The following C3orf22 variants were observed in gnomAD, a reference collection of about 807,000 sequenced individuals.
C3orf22 encodes the protein chromosome 3 open reading frame 22, also known as uncharacterized protein C3orf22.
Under a neutral mutation model 10.8 loss-of-function variants are expected in C3orf22, and 7 were observed. The ratio of observed to expected loss-of-function variants is 0.65; its 90% CI spans 0.37 to 1.22. The LOEUF (loss-of-function observed/expected upper bound fraction) is 1.22. Among genes scored for constraint, C3orf22 ranks in the 50% most tolerant of loss-of-function variants. The pLI is 0.02. For missense variants in C3orf22, 173 were observed against 177.0 expected, an observed-to-expected ratio of 0.98 and a Z score of 0.13; for synonymous variants, 79 against 78.9, an observed-to-expected ratio of 1.00 and a Z score of 0.00.
At chr3:126,538,383 T>G (rs562172324) in intron 4 of C3orf22, among the ~76,000 whole-genome samples, 2 of 152,350 alleles carry the variant, frequency 1.3e-5, no homozygotes, top group South Asian at 4.1e-4. Flanking sequence ...CCCCTGACTT[T>G]TCACCCTAAG....
At chr3:126,537,911 C>T (rs1936832135) in intron 4 of C3orf22, among the ~76,000 whole-genome samples, 1 of 152,182 alleles carries the variant, frequency 6.6e-6, no homozygotes, top group Admixed American at 6.5e-5. Flanking sequence ...GGTCACAGAG[C>T]TTCTATGGAC....
intron 4 of C3orf22, chr3:126,529,509 T>A: frequency 1.4e-6 from 1 of 703,716 alleles, no homozygotes; most frequent in Non-Finnish European, 2.0e-6. Context: ...AAGGAAGCTG[T>A]GAGGCCTCGG....
chr3:126,536,001 C>G (rs892266368), intron 4 of C3orf22, among the ~76,000 whole-genome samples: 2 of 152,176 alleles, frequency 1.3e-5, no homozygotes, highest in Non-Finnish European at 2.9e-5. Flanking sequence ...TATCACCTTC[C>G]CACTTGTCCC....
At chr3:126,536,923 A>ACACACACACC (rs557001264) in intron 4 of C3orf22, among the ~76,000 whole-genome samples, 29 of 141,458 alleles carry the variant, frequency 2.1e-4, no homozygotes, top group Non-Finnish European at 4.0e-4. Context: ...ACACACACAC[A>ACACACACACC]CCCCACACAC....
At chr3:126,549,449 G>C (rs1278205934), downstream of C3orf22, 1 of 443,198 alleles carries the variant, frequency 2.3e-6, no homozygotes, top group Non-Finnish European at 4.5e-6. Context: ...TAATTTAGCA[G>C]TTTCCTGTGA....
chr3:126,540,872 A>T (rs929291110), intron 4 of C3orf22, among the ~76,000 whole-genome samples: 1 of 152,176 alleles, frequency 6.6e-6, no homozygotes, highest in Non-Finnish European at 1.5e-5. Context: ...CCAATTCCTA[A>T]TTGTCTTTTT....
downstream of C3orf22, among the ~76,000 whole-genome samples, chr3:126,545,524 A>C (rs1937053415): frequency 6.6e-6 from 1 of 152,240 alleles, no homozygotes. Flanking sequence ...TCCAATGCTT[A>C]AAATTTAAAA....
downstream of C3orf22, chr3:126,549,545 G>A (rs1453776893): frequency 1.3e-6 from 1 of 797,306 alleles, no homozygotes; most frequent in East Asian, 5.4e-5. Flanking sequence ...ACCTGTGTGA[G>A]TGTACATTTG....
chr3:126,528,408 A>G (rs1038875599), intron 5 of C3orf22, among the ~76,000 whole-genome samples: 9 of 152,164 alleles, frequency 5.9e-5, no homozygotes, highest in Non-Finnish European at 1.2e-4. Flanking sequence ...TTCAGCAATA[A>G]AGAGTGCCGT....
At chr3:126,527,305 C>T (rs1410813112) in exon 6 of C3orf22, 1 of 152,274 alleles carries the variant, frequency 6.6e-6, no homozygotes, top group African/African-American at 2.4e-5. Flanking sequence ...AGACTCCCTT[C>T]AGCTGGGAGG....
In C3orf22 at chr3:126,553,367, C is replaced by T; in HGVS notation, c.24G>A (p.Lys8=). The T allele has an allele frequency of 6.2e-7, 1 of 1,613,780 alleles. No individual in the cohort carries two copies. The highest frequency in any genetic ancestry group is 8.5e-7 in the Non-Finnish European group (1 of 1,179,860). ...TCCTCCACTTCTTACTCTGGTGAGA[C>T]TTCTTGCAGGCACTGGAGTCCATCA... is the stretch of plus-strand genomic sequence containing the variant. The part of the protein sequence containing the change: MDSSACK[K]SHQSKKWRIQ... Residue 8 remains lysine, a synonymous_variant, in exon 2 of 4, where the codon AAG becomes AAA. Coordinates refer to ENST00000318225, the MANE Select transcript of C3orf22 (RefSeq NM_152533.3).
chr3:126,551,280 C>T (rs942055178), intron 3 of C3orf22, among the ~76,000 whole-genome samples: 8 of 152,040 alleles, frequency 5.3e-5, no homozygotes, highest in African/African-American at 1.7e-4. Flanking sequence ...CTGGAGTGGG[C>T]GGGGGGCCAG....
downstream of C3orf22, among the ~76,000 whole-genome samples, chr3:126,548,970 A>G (rs927990141): frequency 6.6e-6 from 1 of 152,180 alleles, no homozygotes; most frequent in African/African-American, 2.4e-5. Flanking sequence ...AGGAACTCCA[A>G]GGTGACTTTC....
At chr3:126,529,517 CG>C in intron 4 of C3orf22, 1 of 602,228 alleles carries the variant, frequency 1.7e-6, no homozygotes, top group Non-Finnish European at 2.5e-6. Context: ...TGTGAGGCCT[CG>C]GGCAAGTTTC....
chr3:126,537,403 G>C (rs959573174), intron 4 of C3orf22, among the ~76,000 whole-genome samples: 3 of 152,228 alleles, frequency 2.0e-5, no homozygotes, highest in Non-Finnish European at 4.4e-5. Context: ...AAGCAAGGAA[G>C]GACAGCATCA....
intron 4 of C3orf22, among the ~76,000 whole-genome samples, chr3:126,537,388 G>C (rs1223716029): frequency 6.6e-6 from 1 of 152,234 alleles, no homozygotes; most frequent in Non-Finnish European, 1.5e-5. Flanking sequence ...GCCATGCAAG[G>C]TTTTAAGCAA....
intron 4 of C3orf22, chr3:126,542,109 A>G (rs1936972848): frequency 6.3e-7 from 1 of 1,580,504 alleles, no homozygotes. Flanking sequence ...GCTTACCGCA[A>G]CAAGCTCGCG....
exon 5 of C3orf22, chr3:126,529,348 G>A (rs1161992996): frequency 7.8e-7 from 1 of 1,289,318 alleles, no homozygotes; most frequent in South Asian, 1.2e-5. Flanking sequence ...TTTCCTCATG[G>A]GTCAGTGAAA....
chr3:126,554,555 C>T (rs1018329859), intron 1 of C3orf22, among the ~76,000 whole-genome samples: 9 of 152,170 alleles, frequency 5.9e-5, no homozygotes, highest in Admixed American at 4.6e-4. Context: ...TGAGCCACCG[C>T]GCCTGGCCCG....
Sources: allele counts gnomAD v4.1 joint callset (sites outside exome capture counted in the v4.1 genomes callset), GRCh38; gene constraint gnomAD v4.1.1; transcripts MANE v1.5; gene names NCBI Gene and HGNC (gene_info 2026-07-23, HGNC 2026-07-21).